GRB10: variants seen among roughly 807,000 people sequenced by gnomAD.
GRB10 encodes the protein growth factor receptor bound protein 10, also known as growth factor receptor-bound protein 10.
In GRB10, 20 loss-of-function variants were observed where a neutral mutation model predicts 80.9. The ratio of observed to expected loss-of-function variants is 0.25; its 90% CI spans 0.17 to 0.36. GRB10 has a LOEUF of 0.36. GRB10 is among the 10% of genes least tolerant of loss of function. The pLI is 1.00. For synonymous variants in GRB10, 291 were observed against 291.5 expected (o/e 1.00, Z 0.02); for missense variants, 548 against 747.7 (o/e 0.73, Z 3.12).
chr7:50,775,345 G>C (rs911450778), intron 2 of GRB10, among the ~76,000 whole-genome samples: 1 of 152,126 alleles, frequency 6.6e-6, no homozygotes, highest in African/African-American at 2.4e-5. Flanking sequence ...CTGCCTTCCA[G>C]ACACAATGGG....
chr7:50,762,868 T>C (rs1456008344), intron 2 of GRB10, among the ~76,000 whole-genome samples: 1 of 152,154 alleles, frequency 6.6e-6, no homozygotes, highest in East Asian at 1.9e-4. Flanking sequence ...CTGTAATCCC[T>C]GTACTTTGGG....
chr7:50,595,601 T>TAACACACA, intron 17 of GRB10, 71 bp from the exon 18 acceptor site: 17 of 556,328 alleles, frequency 3.1e-5, no homozygotes, highest in East Asian at 1.4e-4. Flanking sequence ...ACACACTCTC[T>TAACACACA]TACACACACA....
intron 10 of GRB10, among the ~76,000 whole-genome samples, chr7:50,616,927 C>T (rs139056567): frequency 1.5e-4 from 23 of 152,304 alleles, no homozygotes; most frequent in African/African-American, 5.1e-4. Context: ...GGTCATGGAG[C>T]GAAGTTGGGG....
At chr7:50,751,454 C>T (rs750651672) in intron 3 of GRB10, among the ~76,000 whole-genome samples, 9 of 152,066 alleles carry the variant, frequency 5.9e-5, no homozygotes, top group Non-Finnish European at 7.4e-5. Context: ...TATTGATAGA[C>T]GAATCTCAAA....
intron 17 of GRB10, 98 bp from the exon 18 acceptor site, chr7:50,595,628 C>CAA: frequency 1.3e-6 from 1 of 773,712 alleles, no homozygotes; most frequent in Admixed American, 1.8e-5. Flanking sequence ...CACACACACA[C>CAA]ACACACACAG....
chr7:50,602,725 G>A (rs1296988787), intron 17 of GRB10, among the ~76,000 whole-genome samples: 2 of 152,124 alleles, frequency 1.3e-5, no homozygotes, highest in Admixed American at 6.5e-5. Context: ...GTGACAACTG[G>A]GGAAATCTGA....
chr7:50,634,670 A>C (rs2054613689), intron 7 of GRB10, among the ~76,000 whole-genome samples: 1 of 152,256 alleles, frequency 6.6e-6, no homozygotes, highest in African/African-American at 2.4e-5. Context: ...AGACACCTAC[A>C]GACTCAAAGT....
chr7:50,676,006 A>G (rs1347557473), intron 5 of GRB10, among the ~76,000 whole-genome samples: 1 of 152,206 alleles, frequency 6.6e-6, no homozygotes, highest in African/African-American at 2.4e-5. Context: ...AATACATTCT[A>G]ATAATATTGA....
At chr7:50,682,505 C>T (rs1467114145) in intron 5 of GRB10, among the ~76,000 whole-genome samples, 3 of 152,164 alleles carry the variant, frequency 2.0e-5, no homozygotes, top group Non-Finnish European at 2.9e-5. Flanking sequence ...ATGATCATGT[C>T]GGCTCAACAT....
Position 50,592,827 on chromosome 7 carries a change from G to C in GRB10, c.*125C>G. 1 of 1,135,484 alleles carries C rather than the reference G, an allele frequency of 8.8e-7. No individual in the cohort carries two copies. Among genetic ancestry groups the C allele is most frequent in the Non-Finnish European group, 1.3e-6 (1 of 756,766 alleles). 70.3% of individuals were successfully genotyped at this position (1,135,484 alleles called of 1,614,324 possible). A position where few individuals can be genotyped will look rare whatever the true frequency, so the allele number is the denominator to read the frequency against. On this transcript the variant is annotated 3_prime_UTR_variant, in exon 19 of 19. Transcript: ENST00000401949. Reference sequence around the variant, plus strand: ...TAGTCAATCTTGGTCGGCTGGCACCGAACAAACCCATCTCGCTCTGGGTCC... The same window carrying C: ...TAGTCAATCTTGGTCGGCTGGCACCCAACAAACCCATCTCGCTCTGGGTCC...
At chr7:50,700,768 G>A (rs1455636866) in intron 5 of GRB10, among the ~76,000 whole-genome samples, 2 of 152,136 alleles carry the variant, frequency 1.3e-5, no homozygotes, top group Non-Finnish European at 1.5e-5. Context: ...ATGTTTATGT[G>A]ATTTGTTTTC....
At chr7:50,703,654 C>T (rs924646355) in intron 5 of GRB10, among the ~76,000 whole-genome samples, 167 bp downstream of exon 5, 1 of 152,170 alleles carries the variant, frequency 6.6e-6, no homozygotes, top group Non-Finnish European at 1.5e-5. Context: ...GATATCAGAA[C>T]CAAGGATCTT....
chr7:50,592,982 G>C lies in GRB10; in HGVS notation c.1755C>G (p.Leu585=). 2 of 1,614,222 alleles carry C rather than the reference G, an allele frequency of 1.2e-6. No homozygotes were observed. The highest frequency in any genetic ancestry group is 1.1e-5 in the South Asian group (1 of 91,082). ...AGGCCACTCGGATGCAGTGGTGCTT[G>C]AGTTTGCAAGGCAGGACTCCTTTGT... ...QLNKGVLPCK[L]KHHCIRVAL is the part of the protein sequence containing the mutation. Residue 585 remains leucine, a synonymous_variant, in exon 19 of 19, where the codon CTC becomes CTG. Coordinates refer to ENST00000401949, the MANE Select transcript of GRB10 (RefSeq NM_001350814.2).
intron 2 of GRB10, among the ~76,000 whole-genome samples, chr7:50,768,902 T>C (rs959792583): frequency 6.6e-6 from 1 of 152,224 alleles, no homozygotes; most frequent in Non-Finnish European, 1.5e-5. Context: ...AGCTCCTCCT[T>C]TTCTATTTCA....
At chr7:50,624,195 C>T (rs1378595982) in intron 8 of GRB10, among the ~76,000 whole-genome samples, 1 of 152,174 alleles carries the variant, frequency 6.6e-6, no homozygotes, top group African/African-American at 2.4e-5. Flanking sequence ...TGTACACATC[C>T]CTGTGAGAAT....
At chr7:50,735,067 AG>A (rs1275939359) in intron 3 of GRB10, among the ~76,000 whole-genome samples, 2 of 152,252 alleles carry the variant, frequency 1.3e-5, no homozygotes, top group African/African-American at 4.8e-5. Flanking sequence ...AAAACCCTAA[AG>A]ATTCCATAAT....
chr7:50,634,240 C>T (rs957180050), intron 7 of GRB10, among the ~76,000 whole-genome samples: 1 of 152,120 alleles, frequency 6.6e-6, no homozygotes, highest in Non-Finnish European at 1.5e-5. Flanking sequence ...TATTTTTAGC[C>T]TCCTTTAAGA....
At chr7:50,693,536 C>T (rs1419678554) in intron 5 of GRB10, among the ~76,000 whole-genome samples, 1 of 152,138 alleles carries the variant, frequency 6.6e-6, no homozygotes, top group African/African-American at 2.4e-5. Flanking sequence ...ACTCCAGAGC[C>T]TGAAAGACAT....
At chr7:50,691,884 G>T (rs558867502) in intron 5 of GRB10, among the ~76,000 whole-genome samples, 2 of 152,070 alleles carry the variant, frequency 1.3e-5, no homozygotes, top group Non-Finnish European at 2.9e-5. Flanking sequence ...TACTTTTCAG[G>T]ACTATGCTGA....
Sources: allele counts gnomAD v4.1 joint callset (sites outside exome capture counted in the v4.1 genomes callset), GRCh38; gene constraint gnomAD v4.1.1; transcripts MANE v1.5; gene names NCBI Gene and HGNC (gene_info 2026-07-23, HGNC 2026-07-21).